ATP6V1E1: variants seen among roughly 807,000 people sequenced by gnomAD.
ATP6V1E1 encodes the protein ATPase H+ transporting V1 subunit E1.
Under a neutral mutation model 35.2 loss-of-function variants are expected in ATP6V1E1, and 21 were observed. The ratio of observed to expected loss-of-function variants is 0.60; its 90% CI spans 0.42 to 0.86. The LOEUF is 0.86. Ranked by LOEUF, ATP6V1E1 falls within the 40% of genes least tolerant of loss-of-function variation. The pLI, the probability that ATP6V1E1 is intolerant of heterozygous loss-of-function variation, is 0.00. For missense variants in ATP6V1E1, 183 were observed against 272.6 expected, an observed-to-expected ratio of 0.67 and a Z score of 2.32; for synonymous variants, 83 against 87.8, an observed-to-expected ratio of 0.95 and a Z score of 0.30.
At chr22:17,592,979 G>A (rs938617258) in intron 8 of ATP6V1E1, among the ~76,000 whole-genome samples, 44 of 151,964 alleles carry the variant, frequency 2.9e-4, no homozygotes, top group African/African-American at 1.1e-3. Context: ...TAGTAGAGAC[G>A]GGGTTTCACC....
chr22:17,619,068 C>G (rs5746446), intron 2 of ATP6V1E1: 1 of 454,276 alleles, frequency 2.2e-6, no homozygotes, highest in Non-Finnish European at 4.4e-6. Flanking sequence ...ACGAGGTAGG[C>G]GGATCACAAG....
At chr22:17,597,589 G>A (rs1000022629) in intron 7 of ATP6V1E1, among the ~76,000 whole-genome samples, 1 of 151,902 alleles carries the variant, frequency 6.6e-6, no homozygotes, top group Admixed American at 6.6e-5. Flanking sequence ...TTTCATTCTG[G>A]GGGCCACCTC....
At chr22:17,605,356 C>T (rs957255049) in intron 4 of ATP6V1E1, among the ~76,000 whole-genome samples, 1 of 151,598 alleles carries the variant, frequency 6.6e-6, no homozygotes, top group Admixed American at 6.6e-5. Flanking sequence ...CATGGAAAAA[C>T]CCCATCTCTT....
chr22:17,607,492 C>T (rs903168409), intron 4 of ATP6V1E1, among the ~76,000 whole-genome samples: 3 of 152,080 alleles, frequency 2.0e-5, no homozygotes, highest in Non-Finnish European at 4.4e-5. Flanking sequence ...ACTCTTATGT[C>T]ATTCTTGACT....
At chr22:17,609,464 CTTTT>C (rs61116267) in intron 4 of ATP6V1E1, among the ~76,000 whole-genome samples, 11 of 90,706 alleles carry the variant, frequency 1.2e-4, no homozygotes, top group African/African-American at 4.7e-4. Context: ...CCATCCTGCT[CTTTT>C]TTTTTTTTTT....
chr22:17,598,965 C>G lies in ATP6V1E1; in HGVS notation c.436-677G>C, dbSNP rs905741398. Among the ~76,000 whole-genome samples the G allele has an allele frequency of 2.0e-5, 3 of 152,172 alleles. No individual in the cohort carries two copies. In the East Asian group the frequency reaches 5.8e-4, roughly 29 times the overall value. The stretch of plus-strand genomic sequence containing the variant: ...ATAAACACAACGTGGGGCATCCATA[C>G]CGTGGAATATTATTCAGCCTTACAA... On this transcript the variant is annotated intron_variant, in intron 6 of 8. Transcript: ENST00000253413.
At chr22:17,627,818 C>CAAAAAAAA (rs71201846) in intron 1 of ATP6V1E1, among the ~76,000 whole-genome samples, 1 of 105,128 alleles carries the variant, frequency 9.5e-6, no homozygotes, top group African/African-American at 3.4e-5. Context: ...GACTCCGTCT[C>CAAAAAAAA]AAAAAAAAAA....
intron 2 of ATP6V1E1, among the ~76,000 whole-genome samples, chr22:17,615,091 G>A (rs1233687695): frequency 6.6e-6 from 1 of 151,420 alleles, no homozygotes; most frequent in Non-Finnish European, 1.5e-5. Flanking sequence ...TCACAAGGTC[G>A]GGAGTTCAAG....
chr22:17,614,416 G>C (rs541075537), intron 2 of ATP6V1E1, among the ~76,000 whole-genome samples: 10 of 152,070 alleles, frequency 6.6e-5, no homozygotes, highest in South Asian at 6.3e-4. Flanking sequence ...CAGCACTTTG[G>C]GGGGCTGAGG....
rs1296818 is a variant in ATP6V1E1, at chr22:17,592,981, G to A, written c.619-245C>T. On this transcript the variant is annotated intron_variant, in intron 8 of 8. Coordinates refer to ENST00000253413, the MANE Select transcript of ATP6V1E1 (RefSeq NM_001696.4). ...TTTTTTGTATTTTTAGTAGAGACGG[G>A]GTTTCACCATGTTAGCCGGGATGGT... is the stretch of plus-strand genomic sequence containing the variant. 8.7e-3 allele frequency among the ~76,000 whole-genome samples: 1,326 copies of A among 152,044 alleles called. 5 individuals are homozygous for A. The highest frequency in any genetic ancestry group is 0.02 in the South Asian group (96 of 4,822).
chr22:17,616,094 TC>T (rs1199722123), intron 2 of ATP6V1E1, among the ~76,000 whole-genome samples: 1 of 151,616 alleles, frequency 6.6e-6, no homozygotes, highest in Admixed American at 6.6e-5. Flanking sequence ...ACGCCTGTAA[TC>T]CCAGCACTTT....
At position 17,612,852 on chromosome 22, in the gene ATP6V1E1, G is replaced by A. The variant is rs541735938; in HGVS notation, c.236C>T (p.Ala79Val). The A allele has an allele frequency of 3.7e-6, 6 of 1,610,182 alleles. No homozygotes were observed. In the African/African-American group the frequency reaches 4.0e-5, roughly 11 times the overall value. Residue 79 changes from alanine to valine, a missense_variant, in exon 4 of 9, where the codon GCG becomes GTG. Ala to Val is a moderately conservative substitution (Grantham distance 64). Coordinates refer to ENST00000253413, the MANE Select transcript of ATP6V1E1 (RefSeq NM_001696.4). ...TCTTGCTCTGAGGACTTTGAGTCTC[G>A]CTTGATTCATCAAATTGGACATCTG... ...KIQMSNLMNQ[A>V]RLKVLRARDD...
At chr22:17,613,347 T>C in intron 2 of ATP6V1E1, 27 bp from the exon 3 acceptor site, 2 of 1,583,832 alleles carry the variant, frequency 1.3e-6, no homozygotes, top group Middle Eastern at 1.7e-4. Flanking sequence ...CAATATTAAT[T>C]CATTACATCA....
At chr22:17,618,936 G>A in intron 2 of ATP6V1E1, 3 of 445,828 alleles carry the variant, frequency 6.7e-6, no homozygotes, top group Middle Eastern at 7.1e-4. Context: ...GGAGGCAGAG[G>A]TTGCAGTGAG....
chr22:17,617,070 T>C (rs1350649496), intron 2 of ATP6V1E1, among the ~76,000 whole-genome samples: 1 of 150,832 alleles, frequency 6.6e-6, no homozygotes, highest in African/African-American at 2.4e-5. Flanking sequence ...AAAAGAGTCA[T>C]ACAAGAAACT....
At chr22:17,627,317 T>C (rs1161600913) in intron 1 of ATP6V1E1, among the ~76,000 whole-genome samples, 2 of 149,878 alleles carry the variant, frequency 1.3e-5, no homozygotes. Context: ...TTAATAGAGA[T>C]GGGGTTTCAC....
In ATP6V1E1 at chr22:17,606,159, C is replaced by T. The variant is rs535346752; in HGVS notation, c.277-4978G>A. ...AGACAAATATCTATAAAGGATTATG[C>T]AACTTAGACCAAAGCACCACACAAC... On this transcript the variant is annotated intron_variant, in intron 4 of 8. Coordinates refer to ENST00000253413, the MANE Select transcript of ATP6V1E1 (RefSeq NM_001696.4). Among the ~76,000 whole-genome samples the T allele has an allele frequency of 2.0e-5, 3 of 152,280 alleles. No individual in the cohort carries two copies. The South Asian group carries it at 6.2e-4, about 32-fold the overall frequency.
chr22:17,625,501 A>C (rs996848414), intron 1 of ATP6V1E1, among the ~76,000 whole-genome samples: 1 of 151,938 alleles, frequency 6.6e-6, no homozygotes, highest in Admixed American at 6.6e-5. Flanking sequence ...AGGTGATCTC[A>C]AACTCCCAAC....
chr22:17,592,467 G>T lies in ATP6V1E1; in HGVS notation c.*207C>A. ...CACTGTCACACTTTCAGAAGAACTG[G>T]AGGTGGGTCCTGATCATATTACATG... On this transcript the variant is annotated 3_prime_UTR_variant, in exon 9 of 9. Coordinates refer to ENST00000253413, the MANE Select transcript of ATP6V1E1 (RefSeq NM_001696.4). 1.8e-6 allele frequency: 1 copy of T among 570,616 alleles called. No individual in the cohort carries two copies. The highest frequency in any genetic ancestry group is 3.0e-5 in the East Asian group (1 of 33,316). The allele number at this position is 570,616 out of a possible 1,614,324, so 35.3% of individuals were successfully genotyped here. A position where few individuals can be genotyped will look rare whatever the true frequency, so the allele number is the denominator to read the frequency against.
Sources: allele counts gnomAD v4.1 joint callset (sites outside exome capture counted in the v4.1 genomes callset), GRCh38; gene constraint gnomAD v4.1.1; transcripts MANE v1.5; gene names NCBI Gene and HGNC (gene_info 2026-07-23, HGNC 2026-07-21).